Variants in FGF12 observed in about 807,000 individuals in gnomAD.
FGF12 encodes the protein fibroblast growth factor 12B.
FGF12 carries 14 observed loss-of-function variants against 23.6 expected under a neutral mutation model. The observed-to-expected ratio is 0.59, with a 90% CI of 0.39 to 0.93. FGF12 has a LOEUF of 0.93. FGF12 is among the 40% of genes least tolerant of loss of function. The pLI is 0.00. For missense variants in FGF12, 175 were observed against 217.8 expected (o/e 0.80, Z 1.24); for synonymous variants, 62 against 77.3 (o/e 0.80, Z 1.04).
At chr3:192,307,121 T>C (rs1214230508) in intron 4 of FGF12, among the ~76,000 whole-genome samples, 1 of 152,168 alleles carries the variant, frequency 6.6e-6, no homozygotes. Flanking sequence ...ACTTACCATA[T>C]CTTAGGCATC....
chr3:192,205,094 T>A (rs1326773926), intron 4 of FGF12, among the ~76,000 whole-genome samples: 1 of 152,094 alleles, frequency 6.6e-6, no homozygotes, highest in South Asian at 2.1e-4. Context: ...GGAAGAAGTA[T>A]CCTCTGTTAT....
intron 4 of FGF12, among the ~76,000 whole-genome samples, chr3:192,236,813 G>A (rs752734702): frequency 2.6e-5 from 4 of 152,068 alleles, no homozygotes; most frequent in Non-Finnish European, 4.4e-5. Flanking sequence ...TTTTAAGTAG[G>A]GGCATTTAGT....
chr3:192,547,517 A>T (rs1577047495), intron 2 of FGF12, among the ~76,000 whole-genome samples: 1 of 152,228 alleles, frequency 6.6e-6, no homozygotes, highest in African/African-American at 2.4e-5. Flanking sequence ...AATGATTATT[A>T]TAATTTATAA....
At chr3:192,447,639 T>C (rs1205116022) in intron 2 of FGF12, among the ~76,000 whole-genome samples, 1 of 152,202 alleles carries the variant, frequency 6.6e-6, no homozygotes, top group Non-Finnish European at 1.5e-5. Context: ...TCTTTTCTCA[T>C]CACGTAAAAT....
At chr3:192,315,071 T>G (rs1486494753) in intron 4 of FGF12, among the ~76,000 whole-genome samples, 2 of 152,196 alleles carry the variant, frequency 1.3e-5, no homozygotes, top group African/African-American at 4.8e-5. Flanking sequence ...GGCTGAAAGG[T>G]ATGTCACTTA....
intron 3 of FGF12, among the ~76,000 whole-genome samples, chr3:192,357,373 T>G (rs1718519898): frequency 6.6e-6 from 1 of 151,854 alleles, no homozygotes; most frequent in African/African-American, 2.4e-5. Context: ...CCCCAGCAAC[T>G]TGGGAGGCTG....
chr3:192,631,117 C>T (rs9833578), intron 2 of FGF12, among the ~76,000 whole-genome samples: 7,777 of 152,188 alleles, frequency 0.051, 299 homozygotes, highest in Non-Finnish European at 0.083. Flanking sequence ...GCCATTGCCA[C>T]TTTTTTTGCC....
At chr3:192,549,702 A>T (rs1047065677) in intron 2 of FGF12, among the ~76,000 whole-genome samples, 1 of 152,182 alleles carries the variant, frequency 6.6e-6, no homozygotes, top group Admixed American at 6.5e-5. Context: ...TTATCCATCA[A>T]TTGAAGACCT....
At chr3:192,616,362 AAGTT>A (rs1278382464) in intron 2 of FGF12, among the ~76,000 whole-genome samples, 1 of 152,066 alleles carries the variant, frequency 6.6e-6, no homozygotes, top group Non-Finnish European at 1.5e-5. Context: ...CTATGAATCT[AAGTT>A]AGTTTATTGT....
At chr3:192,528,045 C>T (rs1174817269) in intron 2 of FGF12, among the ~76,000 whole-genome samples, 1 of 152,164 alleles carries the variant, frequency 6.6e-6, no homozygotes, top group Non-Finnish European at 1.5e-5. Flanking sequence ...TATCATTCCA[C>T]ACCTGGCCCC....
At chr3:192,652,968 C>A (rs187157318) in intron 2 of FGF12, among the ~76,000 whole-genome samples, 2 of 152,296 alleles carry the variant, frequency 1.3e-5, no homozygotes, top group Admixed American at 6.5e-5. Flanking sequence ...CTTAAGCACC[C>A]ATTGTTAATT....
At position 192,374,160 on chromosome 3, in the gene FGF12, C is replaced by T. The variant is rs143219564; in HGVS notation, c.14-13622G>A. Among the ~76,000 whole-genome samples the T allele has an allele frequency of 6.6e-4, 101 of 152,254 alleles. No homozygotes were observed. The East Asian group carries it at 0.015, about 22-fold the overall frequency. ...TGTTACAGAATCAAAAATACAAAAA[C>T]ATTGGGTTTTTTATCTGATGCTTCA... On this transcript the variant is annotated intron_variant, in intron 2 of 5. Transcript: ENST00000445105.
intron 4 of FGF12, among the ~76,000 whole-genome samples, chr3:192,223,916 AG>A (rs1718598989): frequency 6.6e-6 from 1 of 152,142 alleles, no homozygotes; most frequent in Middle Eastern, 3.2e-3. Context: ...TACACCAAGA[AG>A]GCACTTCCCC....
At chr3:192,404,797 T>C (rs753461193) in intron 2 of FGF12, among the ~76,000 whole-genome samples, 4 of 152,208 alleles carry the variant, frequency 2.6e-5, no homozygotes, top group African/African-American at 4.8e-5. Flanking sequence ...CCTAGCTGCC[T>C]ATAGGTCTTC....
At chr3:192,300,448 A>G (rs1309197305) in intron 4 of FGF12, among the ~76,000 whole-genome samples, 1 of 152,102 alleles carries the variant, frequency 6.6e-6, no homozygotes, top group Non-Finnish European at 1.5e-5. Flanking sequence ...CCAATATTAC[A>G]ATCCTGGACT....
chr3:192,519,510 G>A (rs1350683749), intron 2 of FGF12, among the ~76,000 whole-genome samples: 1 of 152,052 alleles, frequency 6.6e-6, no homozygotes, highest in African/African-American at 2.4e-5. Context: ...TTAAAGTTAT[G>A]TCTACTAGAT....
intron 2 of FGF12, among the ~76,000 whole-genome samples, chr3:192,621,947 T>C (rs146614273): frequency 1.1e-3 from 162 of 152,264 alleles, no homozygotes; most frequent in Middle Eastern, 3.4e-3. Context: ...CAGATGTATA[T>C]GAAGAAAGTT....
At chr3:192,388,300 T>C (rs975631607) in intron 2 of FGF12, among the ~76,000 whole-genome samples, 5 of 152,102 alleles carry the variant, frequency 3.3e-5, no homozygotes, top group Admixed American at 6.6e-5. Context: ...TAAGTGTCTA[T>C]AAAAATAAGC....
At chr3:192,587,740 G>A (rs918972570) in intron 2 of FGF12, among the ~76,000 whole-genome samples, 1 of 151,868 alleles carries the variant, frequency 6.6e-6, no homozygotes, top group African/African-American at 2.4e-5. Context: ...AGAATCGCTT[G>A]AGTTCAGGAC....
Sources: gnomAD v4.1 joint callset for allele counts (sites outside exome capture counted in the v4.1 genomes callset) on GRCh38, gnomAD v4.1.1 for gene constraint, MANE v1.5 for transcripts, NCBI Gene and HGNC (gene_info 2026-07-23, HGNC 2026-07-21) for gene names.